The following MBNL2 variants were observed in gnomAD, a reference collection of about 807,000 sequenced individuals.
The protein encoded by MBNL2 is muscleblind-like protein 2.
Under a neutral mutation model 41.9 loss-of-function variants are expected in MBNL2, and 17 were observed. The ratio of observed to expected loss-of-function variants is 0.41; its 90% CI spans 0.28 to 0.61. The LOEUF is 0.61. MBNL2 is among the 20% of genes least tolerant of loss of function. The pLI is 0.35. For missense variants in MBNL2, 336 were observed against 505.6 expected, an observed-to-expected ratio of 0.66 and a Z score of 3.22; for synonymous variants, 195 against 182.9, an observed-to-expected ratio of 1.07 and a Z score of -0.53.
intron 8 of MBNL2, 46 bp from the exon 9 acceptor site, chr13:97,391,276 C>A: frequency 1.2e-6 from 1 of 827,252 alleles, no homozygotes; most frequent in Non-Finnish European, 2.1e-6. Flanking sequence ...CATTATTTTT[C>A]CTCCCAGAAG....
chr13:97,307,432 C>T (rs1322529600), intron 2 of MBNL2, among the ~76,000 whole-genome samples: 3 of 151,658 alleles, frequency 2.0e-5, no homozygotes, highest in Non-Finnish European at 4.4e-5. Context: ...TCCCTAGACT[C>T]CACCAAAACC....
intron 8 of MBNL2, among the ~76,000 whole-genome samples, chr13:97,380,922 A>G (rs1168332021): frequency 6.6e-6 from 1 of 152,130 alleles, no homozygotes; most frequent in African/African-American, 2.4e-5. Flanking sequence ...GCGTGATACA[A>G]GCCAAGTGAG....
At chr13:97,352,060 A>T (rs1013479393) in intron 5 of MBNL2, among the ~76,000 whole-genome samples, 12 of 150,306 alleles carry the variant, frequency 8.0e-5, no homozygotes, top group Non-Finnish European at 1.3e-4. Context: ...AAATAAATAA[A>T]TAATAAATAA....
the MBNL2 span, among the ~76,000 whole-genome samples, chr13:97,162,025 C>T: frequency 6.6e-6 from 1 of 152,088 alleles, no homozygotes; most frequent in Non-Finnish European, 1.5e-5. Context: ...AGTACAGTAG[C>T]ATTTGATCAG....
At chr13:97,231,083 T>C (rs565768922) in intron 1 of MBNL2, among the ~76,000 whole-genome samples, 9 of 152,216 alleles carry the variant, frequency 5.9e-5, no homozygotes, top group Non-Finnish European at 1.2e-4. Flanking sequence ...TGTCATCCTG[T>C]TCTCAAAGAC....
chr13:97,327,591 T>C (rs1489478376), intron 2 of MBNL2, among the ~76,000 whole-genome samples: 1 of 127,216 alleles, frequency 7.9e-6, no homozygotes, highest in Non-Finnish European at 1.6e-5. Flanking sequence ...AAAGTTCATA[T>C]AACCATTTTG....
the MBNL2 span, among the ~76,000 whole-genome samples, chr13:97,176,720 T>G: frequency 1.3e-5 from 2 of 152,216 alleles, no homozygotes; most frequent in Non-Finnish European, 2.9e-5. Flanking sequence ...AGTTAGAAAT[T>G]TCAGTCCTTC....
chr13:97,230,513 C>G (rs1212285674), intron 1 of MBNL2, among the ~76,000 whole-genome samples: 1 of 152,154 alleles, frequency 6.6e-6, no homozygotes, highest in African/African-American at 2.4e-5. Context: ...TGTGTTGAAG[C>G]CGTAGTTGAA....
chr13:97,354,953 TC>T (rs1319820076), intron 5 of MBNL2, among the ~76,000 whole-genome samples: 1 of 152,204 alleles, frequency 6.6e-6, no homozygotes, highest in Admixed American at 6.5e-5. Context: ...TTTGTAACCT[TC>T]TTTAGCTGAT....
Position 97,357,578 on chromosome 13 carries a change from T to A in MBNL2, c.955T>A (p.Tyr319Asn). The A allele has an allele frequency of 6.2e-7, 1 of 1,613,886 alleles. No homozygotes were observed. Among genetic ancestry groups the A allele is most frequent in the Non-Finnish European group, 8.5e-7 (1 of 1,179,818 alleles). The change falls in exon 7 of 9, where the codon TAC becomes AAC. Residue 319 changes from tyrosine (Y) to asparagine (N), a missense_variant. Coordinates refer to ENST00000679496, the MANE Select transcript of MBNL2 (RefSeq NM_001382683.1). ...SAVFNPSVLH[Y>N]QQALTSAQLQ... is the part of the protein sequence containing the mutation. ...GGTCTTTAACCCCAGCGTCTTGCAC[T>A]ACCAGCAGGCTCTCACCAGCGCACA...
chr13:97,291,267 A>T (rs994037244), intron 2 of MBNL2, among the ~76,000 whole-genome samples: 6 of 152,028 alleles, frequency 3.9e-5, no homozygotes, highest in African/African-American at 1.4e-4. Flanking sequence ...TTTGAGACAG[A>T]GTCTCACTCT....
chr13:97,211,899 C>G, the MBNL2 span, among the ~76,000 whole-genome samples: 1 of 152,160 alleles, frequency 6.6e-6, no homozygotes, highest in Non-Finnish European at 1.5e-5. Flanking sequence ...ATGCCGAGAT[C>G]TAAATGGATA....
At chr13:97,159,117 T>C in the MBNL2 span, among the ~76,000 whole-genome samples, 1 of 152,190 alleles carries the variant, frequency 6.6e-6, no homozygotes, top group Non-Finnish European at 1.5e-5. Flanking sequence ...TAGTTAGCTC[T>C]TCTTGTTGAC....
At chr13:97,344,858 A>G (rs1029826849) in intron 4 of MBNL2, among the ~76,000 whole-genome samples, 22 of 152,220 alleles carry the variant, frequency 1.4e-4, no homozygotes, top group Admixed American at 2.6e-4. Flanking sequence ...ATGAATCACA[A>G]TGATTTTAGC....
intron 2 of MBNL2, among the ~76,000 whole-genome samples, chr13:97,296,805 A>C (rs898121631): frequency 3.3e-5 from 5 of 152,208 alleles, no homozygotes; most frequent in African/African-American, 1.2e-4. Flanking sequence ...CCAAACATTA[A>C]GTCTGACTTC....
intron 2 of MBNL2, among the ~76,000 whole-genome samples, chr13:97,311,832 T>G (rs1457441024): frequency 1.3e-5 from 2 of 152,208 alleles, no homozygotes; most frequent in African/African-American, 2.4e-5. Context: ...CTCCTAAGCC[T>G]CCTCTTCGGT....
the MBNL2 span, among the ~76,000 whole-genome samples, chr13:97,165,453 A>G: frequency 6.6e-5 from 10 of 152,294 alleles, no homozygotes; most frequent in East Asian, 1.9e-3. Context: ...ATCATTTTTA[A>G]AATGCCTTTT....
chr13:97,385,642 T>A (rs1171553514), intron 8 of MBNL2, among the ~76,000 whole-genome samples: 2 of 152,158 alleles, frequency 1.3e-5, no homozygotes, highest in African/African-American at 4.8e-5. Context: ...ATGAGCACTT[T>A]TACATAAGAA....
rs2152932832 is a variant in MBNL2 at position 97,278,237 on chromosome 13, G to T, written c.174+1828G>T. On this transcript the variant is annotated intron_variant, in intron 2 of 8. Transcript: ENST00000679496. ...CCACTGCACTCCAGCCTGGGTGATAGAGTGAGACTGTCTCAAAAAAAAAAA... is the reference window on the plus strand; with the variant it reads ...CCACTGCACTCCAGCCTGGGTGATATAGTGAGACTGTCTCAAAAAAAAAAA... Among the ~76,000 whole-genome samples the T allele has an allele frequency of 1.8e-5, 2 of 108,424 alleles. 1 individual carries two copies. Among genetic ancestry groups the T allele is most frequent in the South Asian group, 7.0e-4 (2 of 2,862 alleles). 71.1% of individuals were successfully genotyped at this position (108,424 alleles called of 152,430 possible).
Sources: gnomAD v4.1 joint callset for allele counts (sites outside exome capture counted in the v4.1 genomes callset) on GRCh38, gnomAD v4.1.1 for gene constraint, MANE v1.5 for transcripts, NCBI Gene and HGNC (gene_info 2026-07-23, HGNC 2026-07-21) for gene names.